Variants in ALPL observed in about 807,000 individuals in gnomAD.
ALPL encodes alkaline phosphatase, biomineralization associated.
A neutral mutation model predicts 51.3 loss-of-function variants in ALPL; 42 were observed. The ratio of observed to expected loss-of-function variants is 0.82; its 90% CI spans 0.64 to 1.06. The LOEUF is 1.06. Ranked by LOEUF, ALPL falls within the 50% of genes least tolerant of loss-of-function variation. The pLI is 0.00. For synonymous variants in ALPL, 279 were observed against 296.4 expected, an observed-to-expected ratio of 0.94 and a Z score of 0.60; for missense variants, 589 against 709.4, an observed-to-expected ratio of 0.83 and a Z score of 1.93.
chr1:21,547,002 G>A (rs749306950), intron 1 of ALPL, among the ~76,000 whole-genome samples: 5 of 152,216 alleles, frequency 3.3e-5, no homozygotes, highest in Non-Finnish European at 7.3e-5. Context: ...GCCCCACAGG[G>A]CACCTGGCAC....
chr1:21,544,222 C>T (rs2148117042), intron 1 of ALPL, among the ~76,000 whole-genome samples: 1 of 152,338 alleles, frequency 6.6e-6, no homozygotes, highest in South Asian at 2.1e-4. Flanking sequence ...ATGTTAGACG[C>T]CAAAGGAAAC....
At chr1:21,565,619 G>A (rs1387603948) in intron 6 of ALPL, among the ~76,000 whole-genome samples, 1 of 151,944 alleles carries the variant, frequency 6.6e-6, no homozygotes, top group Non-Finnish European at 1.5e-5. Flanking sequence ...AGATGAGGAG[G>A]GGGGGCCGCA....
chr1:21,557,598 G>A (rs1443076761), intron 2 of ALPL, among the ~76,000 whole-genome samples: 1 of 152,196 alleles, frequency 6.6e-6, no homozygotes, highest in African/African-American at 2.4e-5. Context: ...TCAACTTTTT[G>A]TATCTGCTGT....
In ALPL at chr1:21,577,930, CT is replaced by C. The variant is rs1644765671; in HGVS notation, c.*283del. ...GCAGAGAGTACAGACTGCAGACATT[CT>C]CAAAGCCTCTTATTTTTCTAGCGAA... On this transcript the variant is annotated 3_prime_UTR_variant, in exon 12 of 12. Transcript: ENST00000374840. 1 of 559,528 alleles carries C rather than the reference CT, an allele frequency of 1.8e-6. No individual in the cohort carries two copies. Among genetic ancestry groups the C allele is most frequent in the Non-Finnish European group, 3.2e-6 (1 of 316,190 alleles). 34.7% of individuals were successfully genotyped at this position (559,528 alleles called of 1,614,324 possible).
In ALPL at chr1:21,536,028, C is replaced by G. The variant is rs145116595; in HGVS notation, c.-104-17950C>G. Among the ~76,000 whole-genome samples, 11 of 152,312 alleles carry G rather than the reference C, an allele frequency of 7.2e-5. No individual in the cohort carries two copies. The East Asian group carries it at 2.1e-3, about 29-fold the overall frequency. ...ACCAGTCATTACCAAACTGAAGGGCCTGGAAGGCAGAGCTTGTACCTGCAA... is the reference window on the plus strand; with the variant it reads ...ACCAGTCATTACCAAACTGAAGGGCGTGGAAGGCAGAGCTTGTACCTGCAA... On this transcript the variant is annotated intron_variant, in intron 1 of 11. Coordinates refer to ENST00000374840, the MANE Select transcript of ALPL (RefSeq NM_000478.6).
intron 1 of ALPL, among the ~76,000 whole-genome samples, chr1:21,533,561 C>T (rs1234149775): frequency 1.3e-5 from 2 of 152,162 alleles, no homozygotes; most frequent in Non-Finnish European, 2.9e-5. Context: ...GCTACACAGC[C>T]AGGACTTAAC....
chr1:21,526,616 C>T (rs962021516), intron 1 of ALPL, among the ~76,000 whole-genome samples: 13 of 151,838 alleles, frequency 8.6e-5, no homozygotes, highest in Admixed American at 3.9e-4. Context: ...TACTTGTAAA[C>T]GCTTAGCTTC....
At chr1:21,576,773 T>C in intron 11 of ALPL, 132 bp downstream of exon 11, 1 of 1,264,308 alleles carries the variant, frequency 7.9e-7, no homozygotes, top group Admixed American at 2.0e-5. Flanking sequence ...AGTTTGATTG[T>C]TGAGTCCCAG....
chr1:21,554,382 A>G (rs1450470518), intron 2 of ALPL, among the ~76,000 whole-genome samples: 2 of 149,114 alleles, frequency 1.3e-5, no homozygotes, highest in Non-Finnish European at 3.0e-5. Flanking sequence ...CAAGGAAAAT[A>G]TATATATACA....
intron 1 of ALPL, among the ~76,000 whole-genome samples, chr1:21,541,488 T>C (rs904066498): frequency 1.3e-5 from 2 of 152,218 alleles, no homozygotes; most frequent in African/African-American, 4.8e-5. Context: ...CCCATCATCC[T>C]TCCACCTAGC....
chr1:21,519,903 G>C (rs1643866704), intron 1 of ALPL, among the ~76,000 whole-genome samples: 1 of 152,184 alleles, frequency 6.6e-6, no homozygotes, highest in African/African-American at 2.4e-5. Flanking sequence ...TACCCCACCT[G>C]TTCCCTAGGC....
At position 21,540,222 on chromosome 1, in the gene ALPL, G is replaced by A. The variant is rs771266233; in HGVS notation, c.-104-13756G>A. On this transcript the variant is annotated intron_variant, in intron 1 of 11. Coordinates refer to ENST00000374840, the MANE Select transcript of ALPL (RefSeq NM_000478.6). The stretch of plus-strand genomic sequence containing the variant: ...TGTGCCTGCAAAGCAGCCATGCTCC[G>A]CCCCCGACCCCTGCCTGGGCACTGC... Among the ~76,000 whole-genome samples, 75 of 152,220 alleles carry A rather than the reference G, an allele frequency of 4.9e-4. 3 individuals carry two copies. The highest frequency in any genetic ancestry group is 7.4e-5 in the Non-Finnish European group (5 of 68,002).
At chr1:21,518,786 C>G (rs1643848100) in intron 1 of ALPL, among the ~76,000 whole-genome samples, 1 of 152,100 alleles carries the variant, frequency 6.6e-6, no homozygotes, top group Non-Finnish European at 1.5e-5. Context: ...TTTTTTCTCC[C>G]CTGAAAACTA....
At chr1:21,525,347 T>G (rs1463496058) in intron 1 of ALPL, among the ~76,000 whole-genome samples, 1 of 152,210 alleles carries the variant, frequency 6.6e-6, no homozygotes, top group Non-Finnish European at 1.5e-5. Flanking sequence ...GAAAAATGCA[T>G]GGCCCATAGA....
At chr1:21,570,270 C>G (rs377044468) in intron 7 of ALPL, 35 bp from the exon 8 acceptor site, 4 of 1,606,412 alleles carry the variant, frequency 2.5e-6, no homozygotes, top group Non-Finnish European at 3.4e-6. Flanking sequence ...CTCTCCCTAG[C>G]CCCCGGCATG....
chr1:21,551,949 T>A (rs1644330611), intron 1 of ALPL, among the ~76,000 whole-genome samples: 21 of 150,548 alleles, frequency 1.4e-4, no homozygotes, highest in Admixed American at 1.4e-3. Flanking sequence ...ATGGTCTCGA[T>A]CTCCTGACTT....
chr1:21,575,286 G>T (rs1470986324), intron 9 of ALPL, among the ~76,000 whole-genome samples: 1 of 136,354 alleles, frequency 7.3e-6, no homozygotes, highest in Non-Finnish European at 1.6e-5. Flanking sequence ...CTGTAAACAG[G>T]ACTGATCATA....
intron 8 of ALPL, among the ~76,000 whole-genome samples, chr1:21,573,449 GAAAAGAAAAGA>G (rs2148183571): frequency 9.6e-6 from 1 of 103,784 alleles, no homozygotes; most frequent in African/African-American, 4.3e-5. Flanking sequence ...AAAAAAAAAA[GAAAAGAAAAGA>G]AAAAGAAAAA....
intron 1 of ALPL, among the ~76,000 whole-genome samples, chr1:21,536,579 C>T (rs1293984598): frequency 6.6e-6 from 1 of 152,170 alleles, no homozygotes; most frequent in Non-Finnish European, 1.5e-5. Context: ...TGAGAGGTTG[C>T]TTCCTCTTCA....
Sources: allele counts gnomAD v4.1 joint callset (sites outside exome capture counted in the v4.1 genomes callset), GRCh38; gene constraint gnomAD v4.1.1; transcripts MANE v1.5; gene names NCBI Gene and HGNC (gene_info 2026-07-23, HGNC 2026-07-21).